Variants in MYLK observed in about 807,000 individuals in gnomAD.
MYLK encodes the protein myosin light chain kinase, smooth muscle.
Under a neutral mutation model 203.4 loss-of-function variants are expected in MYLK, and 106 were observed. That is an observed-to-expected ratio of 0.52 (90% CI 0.45 to 0.61). The LOEUF (loss-of-function observed/expected upper bound fraction) is 0.61, where lower values mean the gene tolerates loss of function less well. MYLK is among the 20% of genes least tolerant of loss of function. The pLI is 0.00. For missense variants in MYLK, 2,072 were observed against 2,442.3 expected, an observed-to-expected ratio of 0.85 and a Z score of 3.20; for synonymous variants, 867 against 959.5, an observed-to-expected ratio of 0.90 and a Z score of 1.78.
At chr3:123,743,554 G>A (rs1349550733) in intron 5 of MYLK, among the ~76,000 whole-genome samples, 1 of 152,132 alleles carries the variant, frequency 6.6e-6, no homozygotes, top group Admixed American at 6.6e-5. Context: ...AAAAATAAGT[G>A]GAAAGGGGAT....
At chr3:123,653,985 GTTGTGTGT>G (rs1236120376) in intron 24 of MYLK, among the ~76,000 whole-genome samples, 121 of 85,482 alleles carry the variant, frequency 1.4e-3, no homozygotes, top group African/African-American at 4.0e-3. Flanking sequence ...TCAGAGGGAT[GTTGTGTGT>G]GTGTGTGTGT....
At chr3:123,633,707 T>G (rs1282179423) in intron 29 of MYLK, among the ~76,000 whole-genome samples, 1 of 152,252 alleles carries the variant, frequency 6.6e-6, no homozygotes, top group Non-Finnish European at 1.5e-5. Context: ...TTCTAATTTC[T>G]TAATTCTCAG....
At chr3:123,840,020 T>C (rs2066554285) in intron 2 of MYLK, among the ~76,000 whole-genome samples, 2 of 151,960 alleles carry the variant, frequency 1.3e-5, no homozygotes, top group African/African-American at 2.4e-5. Context: ...AAAGGCACAA[T>C]ATGTCAAATT....
intron 12 of MYLK, among the ~76,000 whole-genome samples, chr3:123,723,068 GA>G (rs375835970): frequency 6.0e-4 from 90 of 149,550 alleles, no homozygotes; most frequent in Middle Eastern, 3.4e-3. Context: ...TCATTTCCAG[GA>G]AAAAAAAAAT....
chr3:123,725,425 T>C (rs765552007), intron 12 of MYLK, among the ~76,000 whole-genome samples: 1 of 152,032 alleles, frequency 6.6e-6, no homozygotes, highest in Non-Finnish European at 1.5e-5. Flanking sequence ...AGTTGGCGAG[T>C]CTCTATAGGA....
At chr3:123,617,110 T>C (rs1321100308) in intron 33 of MYLK, 1 of 152,218 alleles carries the variant, frequency 6.6e-6, no homozygotes, top group East Asian at 1.9e-4. Flanking sequence ...TCCCATGCCC[T>C]GCACCCTCAG....
rs139942346 is a variant in MYLK at position 123,785,604 on chromosome 3, T to C, written c.165+8073A>G. On this transcript the variant is annotated intron_variant, in intron 4 of 33. Coordinates refer to ENST00000360304, the MANE Select transcript of MYLK (RefSeq NM_053025.4). Reference sequence around the variant, plus strand: ...TCAAGAATGTAATGCCTTCATTTTATTGTGAATGGGACAACTATTTCCAGT... The same window carrying C: ...TCAAGAATGTAATGCCTTCATTTTACTGTGAATGGGACAACTATTTCCAGT... 2.0e-5 allele frequency among the ~76,000 whole-genome samples: 3 copies of C among 152,374 alleles called. No individual in the cohort carries two copies. In the East Asian group the frequency reaches 5.8e-4, roughly 29 times the overall value.
intron 5 of MYLK, among the ~76,000 whole-genome samples, chr3:123,742,201 G>A (rs534902625): frequency 7.4e-4 from 112 of 152,214 alleles, no homozygotes; most frequent in Non-Finnish European, 1.2e-3. Context: ...TCATCTATAT[G>A]CTAAAGACCC....
At chr3:123,751,241 G>A (rs1189563820) in intron 5 of MYLK, among the ~76,000 whole-genome samples, 3 of 152,214 alleles carry the variant, frequency 2.0e-5, no homozygotes, top group Non-Finnish European at 4.4e-5. Context: ...AAGGCTTTAA[G>A]TGTCAGCCAG....
At chr3:123,619,080 C>T (rs1418395730) in intron 32 of MYLK, among the ~76,000 whole-genome samples, 1 of 152,220 alleles carries the variant, frequency 6.6e-6, no homozygotes, top group African/African-American at 2.4e-5. Flanking sequence ...CTTTAGGATT[C>T]AGCTGAGGGT....
intron 20 of MYLK, among the ~76,000 whole-genome samples, chr3:123,669,684 T>C (rs1190209449): frequency 1.3e-5 from 2 of 151,812 alleles, no homozygotes; most frequent in Non-Finnish European, 2.9e-5. Flanking sequence ...CATGTATATA[T>C]GTGTGGAGAA....
rs2064452347 is a variant in MYLK at position 123,784,911 on chromosome 3, C to T, written c.165+8766G>A. On this transcript the variant is annotated intron_variant, in intron 4 of 33. Coordinates refer to ENST00000360304, the MANE Select transcript of MYLK (RefSeq NM_053025.4). The stretch of plus-strand genomic sequence containing the variant: ...ACTTGGTCATAGTCACAGGCTTGGT[C>T]ATGGAGCAAGTGGGCAGATGATGGC... Among the ~76,000 whole-genome samples the T allele has an allele frequency of 2.6e-5, 4 of 152,338 alleles. 1 individual carries two copies. The highest frequency in any genetic ancestry group is 2.1e-4 in the South Asian group (1 of 4,826).
At chr3:123,882,993 G>A (rs9836122) in intron 1 of MYLK, among the ~76,000 whole-genome samples, 1 of 152,198 alleles carries the variant, frequency 6.6e-6, no homozygotes, top group Non-Finnish European at 1.5e-5. Flanking sequence ...AAAGTCACCA[G>A]ATGCACCTAC....
chr3:123,640,176 A>G lies in MYLK; in HGVS notation c.4837+111T>C. 4 of 1,027,080 alleles carry G rather than the reference A, an allele frequency of 3.9e-6. No individual in the cohort carries two copies. Among genetic ancestry groups the G allele is most frequent in the Non-Finnish European group, 6.0e-6 (4 of 665,060 alleles). The allele number at this position is 1,027,080 out of a possible 1,614,324, so 63.6% of individuals were successfully genotyped here. ...CAGGATTCAAACCTGGGAAGTCTTC[A>G]TGGTCTCGGATTTAACCCCAATACT... On this transcript the variant is annotated intron_variant, in intron 28 of 33. Coordinates refer to ENST00000360304, the MANE Select transcript of MYLK (RefSeq NM_053025.4). The surrounding 1 kb of genome is among the most constrained non-coding windows in gnomAD (Gnocchi z 4.3).
At chr3:123,804,777 G>C (rs556899798) in intron 3 of MYLK, among the ~76,000 whole-genome samples, 1 of 152,256 alleles carries the variant, frequency 6.6e-6, no homozygotes, top group South Asian at 2.1e-4. Context: ...GCAGTTTAGG[G>C]GAGGCACCAG....
At chr3:123,828,302 A>G (rs1226183375) in intron 3 of MYLK, among the ~76,000 whole-genome samples, 1 of 152,152 alleles carries the variant, frequency 6.6e-6, no homozygotes, top group Non-Finnish European at 1.5e-5. Flanking sequence ...ATTAATCCAC[A>G]TAGGTACAGC....
At chr3:123,639,289 T>C (rs2058749411) in intron 28 of MYLK, among the ~76,000 whole-genome samples, 1 of 152,248 alleles carries the variant, frequency 6.6e-6, no homozygotes, top group Non-Finnish European at 1.5e-5. Context: ...CTGACTGCGC[T>C]GACCACCAGA....
intron 3 of MYLK, among the ~76,000 whole-genome samples, chr3:123,800,867 A>T (rs1029338689): frequency 6.6e-6 from 1 of 152,138 alleles, no homozygotes. Flanking sequence ...GGTGGGCCCC[A>T]TTATGCTTCT....
chr3:123,855,539 T>A (rs1297428896), intron 2 of MYLK, among the ~76,000 whole-genome samples: 1 of 151,960 alleles, frequency 6.6e-6, no homozygotes, highest in Non-Finnish European at 1.5e-5. Flanking sequence ...CTCAGGAGGT[T>A]GAGGTGGGAG....
Sources: gnomAD v4.1 joint callset for allele counts (sites outside exome capture counted in the v4.1 genomes callset) on GRCh38, gnomAD v4.1.1 for gene constraint, Gnocchi (gnomAD v3.1) non-coding constraint, MANE v1.5 for transcripts, NCBI Gene and HGNC (gene_info 2026-07-23, HGNC 2026-07-21) for gene names.